GRIP1: variants seen among roughly 807,000 people sequenced by gnomAD.
GRIP1 encodes glutamate receptor-interacting protein 1.
In GRIP1, 45 loss-of-function variants were observed where a neutral mutation model predicts 129.9. The ratio of observed to expected loss-of-function variants is 0.35; its 90% CI spans 0.27 to 0.44. GRIP1 has a LOEUF of 0.44. Among genes scored for constraint, GRIP1 ranks in the 20% least tolerant of loss-of-function variants. The pLI, the probability that GRIP1 is intolerant of heterozygous loss-of-function variation, is 1.00. For missense variants in GRIP1, 1,196 were observed against 1,396.8 expected, an observed-to-expected ratio of 0.86 and a Z score of 2.29; for synonymous variants, 530 against 520.8, an observed-to-expected ratio of 1.02 and a Z score of -0.24.
intron 1 of GRIP1, among the ~76,000 whole-genome samples, chr12:66,834,948 A>C (rs2039586679): frequency 5.6e-5 from 8 of 142,744 alleles, no homozygotes; most frequent in Non-Finnish European, 4.6e-5. Context: ...GGGGGGGGGC[A>C]GGAGTAGGGG....
chr12:66,450,432 T>TAAAA lies in GRIP1; in HGVS notation c.1355-4925_1355-4924insTTTT, dbSNP rs1313379737. On this transcript the variant is annotated intron_variant, in intron 11 of 24. Coordinates refer to ENST00000359742, the MANE Select transcript of GRIP1 (RefSeq NM_001366722.1). ...AAAGGAAAGACTTGCTATGTTTTTT[T>TAAAA]AAACAGAGAAGATAGTTGAATAATT... Among the ~76,000 whole-genome samples, 14 of 151,426 alleles carry TAAAA rather than the reference T, an allele frequency of 9.2e-5. No homozygotes were observed. The South Asian group carries it at 2.9e-3, about 32-fold the overall frequency.
At chr12:66,587,398 C>T (rs2063682245) in intron 2 of GRIP1, among the ~76,000 whole-genome samples, 1 of 152,250 alleles carries the variant, frequency 6.6e-6, no homozygotes, top group Non-Finnish European at 1.5e-5. Context: ...TTTCTGCTCC[C>T]ACACTCTCTA....
chr12:66,998,064 A>G (rs1442369127), intron 1 of GRIP1, among the ~76,000 whole-genome samples: 3 of 152,216 alleles, frequency 2.0e-5, no homozygotes, highest in African/African-American at 7.2e-5. Flanking sequence ...GCCAGAAACC[A>G]GTGGGGTAAT....
At chr12:66,474,025 A>T (rs1388565406) in intron 7 of GRIP1, among the ~76,000 whole-genome samples, 35 of 152,110 alleles carry the variant, frequency 2.3e-4, no homozygotes. Context: ...GGGTAATAAC[A>T]AACTCCTCTG....
intron 1 of GRIP1, among the ~76,000 whole-genome samples, chr12:66,603,597 T>A (rs1223396426): frequency 1.3e-5 from 2 of 152,232 alleles, no homozygotes; most frequent in African/African-American, 2.4e-5. Context: ...GCACAGGTAG[T>A]GAGGATACAC....
chr12:66,499,090 A>G (rs1366877647), intron 7 of GRIP1, among the ~76,000 whole-genome samples: 1 of 152,202 alleles, frequency 6.6e-6, no homozygotes, highest in African/African-American at 2.4e-5. Flanking sequence ...CATTAAGTGT[A>G]TGGTGACCAT....
intron 1 of GRIP1, among the ~76,000 whole-genome samples, chr12:66,695,242 T>C (rs1263724797): frequency 1.3e-5 from 2 of 150,850 alleles, no homozygotes; most frequent in African/African-American, 4.9e-5. Flanking sequence ...AAAGCACTCC[T>C]CAACTGCTGA....
intron 22 of GRIP1, among the ~76,000 whole-genome samples, chr12:66,374,990 T>C (rs2055716279): frequency 6.6e-6 from 1 of 152,210 alleles, no homozygotes; most frequent in Non-Finnish European, 1.5e-5. Context: ...TCATTTGCCA[T>C]AATTCATGAT....
At chr12:66,554,707 C>T (rs1450298890) in intron 2 of GRIP1, among the ~76,000 whole-genome samples, 2 of 152,154 alleles carry the variant, frequency 1.3e-5, no homozygotes, top group East Asian at 3.9e-4. Flanking sequence ...TCATTACAAG[C>T]TGACTGAAGA....
intron 1 of GRIP1, among the ~76,000 whole-genome samples, chr12:66,658,497 C>T (rs555899569): frequency 1.5e-4 from 23 of 151,826 alleles, no homozygotes; most frequent in Non-Finnish European, 2.8e-4. Flanking sequence ...AGGAGAATGG[C>T]GTGAACCCGG....
chr12:66,832,371 C>T (rs2039534663), intron 1 of GRIP1, among the ~76,000 whole-genome samples: 1 of 152,144 alleles, frequency 6.6e-6, no homozygotes, highest in Non-Finnish European at 1.5e-5. Context: ...TACGACCCTC[C>T]TATAGAGACC....
intron 1 of GRIP1, among the ~76,000 whole-genome samples, chr12:66,828,761 T>A (rs2039463137): frequency 6.6e-6 from 1 of 152,226 alleles, no homozygotes; most frequent in African/African-American, 2.4e-5. Flanking sequence ...CTTGCTGCCA[T>A]ATCCCTCTGC....
intron 1 of GRIP1, among the ~76,000 whole-genome samples, chr12:66,974,002 AACCT>A (rs2042115990): frequency 7.0e-6 from 1 of 143,210 alleles, no homozygotes; most frequent in Non-Finnish European, 1.5e-5. Flanking sequence ...GGCTCACTGC[AACCT>A]CCGCCTCCCT....
chr12:66,684,298 G>A (rs1036899018), intron 1 of GRIP1, among the ~76,000 whole-genome samples: 4 of 152,100 alleles, frequency 2.6e-5, no homozygotes, highest in African/African-American at 4.8e-5. Context: ...CAAGTAAAAC[G>A]CACCCTTTTC....
intron 4 of GRIP1, among the ~76,000 whole-genome samples, chr12:66,533,887 A>ACACACTCTCT: frequency 6.8e-6 from 1 of 148,054 alleles, no homozygotes; most frequent in African/African-American, 2.5e-5. Context: ...ACATACACAC[A>ACACACTCTCT]CTCTCTCTCT....
intron 1 of GRIP1, among the ~76,000 whole-genome samples, chr12:67,017,900 T>C (rs774733146): frequency 5.9e-5 from 9 of 152,188 alleles, no homozygotes; most frequent in South Asian, 4.1e-4. Context: ...GGATACCACA[T>C]AGAATCACAG....
chr12:66,743,894 T>C (rs915493368), intron 1 of GRIP1, among the ~76,000 whole-genome samples: 2 of 152,160 alleles, frequency 1.3e-5, no homozygotes, highest in Non-Finnish European at 2.9e-5. Context: ...AGGAGGCAAT[T>C]TTCATTGACA....
intron 1 of GRIP1, among the ~76,000 whole-genome samples, chr12:66,864,447 G>T (rs1195345085): frequency 6.6e-6 from 1 of 152,140 alleles, no homozygotes; most frequent in Non-Finnish European, 1.5e-5. Context: ...TGGGTGTGGT[G>T]GCTCACACCT....
At chr12:67,005,656 A>C (rs2042615570) in intron 1 of GRIP1, among the ~76,000 whole-genome samples, 1 of 152,228 alleles carries the variant, frequency 6.6e-6, no homozygotes, top group South Asian at 2.1e-4. Context: ...GTCGTTGCTG[A>C]GTGCCCACTG....
Sources: allele counts gnomAD v4.1 joint callset (sites outside exome capture counted in the v4.1 genomes callset), GRCh38; gene constraint gnomAD v4.1.1; transcripts MANE v1.5; gene names NCBI Gene and HGNC (gene_info 2026-07-23, HGNC 2026-07-21).